The following CFAP44 variants were observed in gnomAD, a reference collection of about 807,000 sequenced individuals.
CFAP44 encodes the protein cilia- and flagella-associated protein 44.
CFAP44 carries 134 observed loss-of-function variants against 216.2 expected under a neutral mutation model. The ratio of observed to expected loss-of-function variants is 0.62; its 90% CI spans 0.54 to 0.72. The LOEUF is 0.72. CFAP44 is among the 30% of genes least tolerant of loss of function. CFAP44 has a pLI of 0.00. For synonymous variants in CFAP44, 700 were observed against 727.6 expected, an observed-to-expected ratio of 0.96 and a Z score of 0.61; for missense variants, 2,035 against 2,182.1, an observed-to-expected ratio of 0.93 and a Z score of 1.34.
At chr3:113,370,479 T>G (rs1207686469) in intron 18 of CFAP44, among the ~76,000 whole-genome samples, 2 of 151,852 alleles carry the variant, frequency 1.3e-5, no homozygotes, top group Non-Finnish European at 2.9e-5. Flanking sequence ...ACGACAAAAA[T>G]CACATGATTA....
Position 113,380,973 on chromosome 3 carries a change from C to A in CFAP44, c.1978G>T (p.Asp660Tyr). 1 of 1,601,966 alleles carries A rather than the reference C, an allele frequency of 6.2e-7. No homozygotes were observed. Among genetic ancestry groups the A allele is most frequent in the African/African-American group, 1.3e-5 (1 of 74,690 alleles). Reference protein sequence around the residue: ...PTIKQEEDDHDVVSYEIKDMC... With the variant: ...PTIKQEEDDHYVVSYEIKDMC... ...TCTTTGATTTCATAGGAGACTACATCATGATCATCCTCTTCTTGCTTTATG... is the reference window on the plus strand; with the variant it reads ...TCTTTGATTTCATAGGAGACTACATAATGATCATCCTCTTCTTGCTTTATG... The change falls in exon 16 of 35, where the codon GAT (aspartate) becomes TAT (tyrosine). Residue 660 changes from aspartate to tyrosine, a missense_variant. By Grantham distance (160) the Asp-to-Tyr change is radical. Around this residue, in one of 3 missense-constraint regions of CFAP44, gnomAD observed 1,883 missense variants for 2,023.7 expected, o/e 0.93. Coordinates refer to ENST00000393845, the MANE Select transcript of CFAP44 (RefSeq NM_001164496.2).
intron 2 of CFAP44, chr3:113,428,961 A>C (rs1935033211): frequency 6.6e-6 from 1 of 152,126 alleles, no homozygotes; most frequent in Admixed American, 6.6e-5. Flanking sequence ...TCCCGCAAAC[A>C]GTTTGCCTCT....
At chr3:113,366,642 T>A (rs1932942494) in intron 18 of CFAP44, among the ~76,000 whole-genome samples, 1 of 152,170 alleles carries the variant, frequency 6.6e-6, no homozygotes, top group South Asian at 2.1e-4. Context: ...CCCAGCAAGA[T>A]CGACTCAGAA....
intron 32 of CFAP44, among the ~76,000 whole-genome samples, chr3:113,297,454 C>T (rs986989832): frequency 4.9e-5 from 7 of 142,640 alleles, no homozygotes. Flanking sequence ...ATCTGAACTG[C>T]TCTTCCCCAG....
intron 15 of CFAP44, among the ~76,000 whole-genome samples, chr3:113,385,283 C>G (rs1293731755): frequency 6.6e-6 from 1 of 152,114 alleles, no homozygotes; most frequent in African/African-American, 2.4e-5. Flanking sequence ...CAGACTAATA[C>G]AATTTCATTC....
chr3:113,368,744 T>G (rs908033013), intron 18 of CFAP44, among the ~76,000 whole-genome samples: 1 of 152,142 alleles, frequency 6.6e-6, no homozygotes, highest in Non-Finnish European at 1.5e-5. Flanking sequence ...ATAACAATAT[T>G]AACCTTAAAT....
At chr3:113,412,557 T>C (rs1934516556) in intron 6 of CFAP44, among the ~76,000 whole-genome samples, 1 of 152,132 alleles carries the variant, frequency 6.6e-6, no homozygotes, top group South Asian at 2.1e-4. Context: ...TGGTGTGTGT[T>C]GTTCCCCTCT....
intron 9 of CFAP44, among the ~76,000 whole-genome samples, chr3:113,402,055 A>G (rs1266035221): frequency 6.6e-6 from 1 of 152,226 alleles, no homozygotes; most frequent in Non-Finnish European, 1.5e-5. Context: ...TTTTACATAA[A>G]GTGGCCATAG....
chr3:113,409,307 C>G lies in CFAP44; in HGVS notation c.689G>C (p.Gly230Ala). 1 of 1,614,022 alleles carries G rather than the reference C, an allele frequency of 6.2e-7. No individual in the cohort carries two copies. The highest frequency in any genetic ancestry group is 8.5e-7 in the Non-Finnish European group (1 of 1,179,988). Reference sequence around the variant, plus strand: ...GTAGTTAAAGTCCACATAAGCATATCCCTTCTCAGTCCCATCTGGAAGGAT... The same window carrying G: ...GTAGTTAAAGTCCACATAAGCATATGCCTTCTCAGTCCCATCTGGAAGGAT... ...YRVLRDGTEKGYAYVDFNYSG... is the reference protein window; with the variant it reads ...YRVLRDGTEKAYAYVDFNYSG... The change falls in exon 7 of 35, where the codon GGA becomes GCA. Residue 230 changes from glycine to alanine, a missense_variant. By Grantham distance (60) the Gly-to-Ala change is moderately conservative (BLOSUM62 0). Around this residue, in one of 3 missense-constraint regions of CFAP44, gnomAD observed 1,883 missense variants for 2,023.7 expected, o/e 0.93. Coordinates refer to ENST00000393845, the MANE Select transcript of CFAP44 (RefSeq NM_001164496.2).
At chr3:113,345,942 T>C (rs1950377263) in intron 22 of CFAP44, among the ~76,000 whole-genome samples, 1 of 152,234 alleles carries the variant, frequency 6.6e-6, no homozygotes, top group African/African-American at 2.4e-5. Flanking sequence ...TTCTCATCTC[T>C]TTAAGACTTA....
chr3:113,437,515 T>A (rs1449781556), intron 1 of CFAP44, among the ~76,000 whole-genome samples: 16 of 152,240 alleles, frequency 1.1e-4, no homozygotes, highest in Admixed American at 7.2e-4. Context: ...CCCAAATGGC[T>A]AATACTACCA....
chr3:113,393,236 G>A (rs145552671), intron 15 of CFAP44, among the ~76,000 whole-genome samples: 44 of 152,340 alleles, frequency 2.9e-4, no homozygotes, highest in Non-Finnish European at 5.3e-4. Context: ...ATTTGCAAAT[G>A]ACATTAGAAA....
chr3:113,329,726 C>G (rs1950223874), intron 26 of CFAP44, among the ~76,000 whole-genome samples: 1 of 152,200 alleles, frequency 6.6e-6, no homozygotes, highest in African/African-American at 2.4e-5. Context: ...ATAAACACTT[C>G]TACTAATGGA....
chr3:113,291,744 T>C lies in CFAP44; in HGVS notation c.5378A>G (p.Asn1793Ser), dbSNP rs555914198. The C allele has an allele frequency of 1.4e-4, 210 of 1,535,526 alleles. No homozygotes were observed. Among genetic ancestry groups the C allele is most frequent in the East Asian group, 2.0e-4 (8 of 40,918 alleles). Residue 1793 changes from asparagine to serine, a missense_variant, in exon 35 of 35, where the codon AAT becomes AGT. Around this residue, in one of 3 missense-constraint regions of CFAP44, gnomAD observed 1,883 missense variants for 2,023.7 expected, o/e 0.93. Coordinates refer to ENST00000393845, the MANE Select transcript of CFAP44 (RefSeq NM_001164496.2). ...RLNTLQNQQG[N>S]AFQGPREADV... ...TGCTTCCCGAGGGCCCTGGAAGGCA[T>C]TGCCCTGTTGAAAGAAAACAGCTCC...
intron 24 of CFAP44, among the ~76,000 whole-genome samples, chr3:113,339,804 T>A (rs1478396851): frequency 6.6e-6 from 1 of 152,194 alleles, no homozygotes; most frequent in African/African-American, 2.4e-5. Context: ...CCATTCCTGT[T>A]AACTTTCATA....
At chr3:113,304,868 A>G (rs1463656341) in intron 31 of CFAP44, among the ~76,000 whole-genome samples, 168 bp downstream of exon 31, 4 of 152,224 alleles carry the variant, frequency 2.6e-5, no homozygotes, top group Non-Finnish European at 5.9e-5. Flanking sequence ...TTACTCTTTT[A>G]TAACAATCTG....
chr3:113,406,078 G>A (rs1391668536), intron 8 of CFAP44, among the ~76,000 whole-genome samples: 1 of 152,120 alleles, frequency 6.6e-6, no homozygotes, highest in Non-Finnish European at 1.5e-5. Flanking sequence ...TATTGATAGA[G>A]AACTAATCCT....
rs1576558695 is a variant in CFAP44, at chr3:113,344,629, T to C, written c.3149A>G (p.Gln1050Arg). 6 of 1,537,084 alleles carry C rather than the reference T, an allele frequency of 3.9e-6. No individual in the cohort carries two copies. Among genetic ancestry groups the C allele is most frequent in the Non-Finnish European group, 5.2e-6 (6 of 1,146,848 alleles). ...DHKISSYRLV[Q>R]PSKYSKFKRA... Reference sequence around the variant, plus strand: ...TTTGAATTTGGAGTACTTAGAGGGCTGCACCAGCCTGTAAGAGGATATCTT... The same window carrying C: ...TTTGAATTTGGAGTACTTAGAGGGCCGCACCAGCCTGTAAGAGGATATCTT... The change falls in exon 23 of 35, where the codon CAG becomes CGG. Residue 1050 changes from glutamine (Q) to arginine (R), a missense_variant. Gln to Arg is a conservative substitution (Grantham distance 43). Transcript: ENST00000393845.
chr3:113,441,323 A>T, intron 1 of CFAP44, 130 bp downstream of exon 1: 2 of 934,132 alleles, frequency 2.1e-6, no homozygotes, highest in Non-Finnish European at 2.6e-6. Flanking sequence ...TTGCTGAGCT[A>T]CCGCAGGGAG....
Sources: allele counts gnomAD v4.1 joint callset (sites outside exome capture counted in the v4.1 genomes callset), GRCh38; gene constraint gnomAD v4.1.1; regional missense constraint gnomAD v4.1.1; transcripts MANE v1.5; gene names NCBI Gene and HGNC (gene_info 2026-07-23, HGNC 2026-07-21).